ATP5MJ: variants seen among roughly 807,000 people sequenced by gnomAD.
ATP5MJ encodes ATP synthase F(0) complex subunit j, mitochondrial.
Under a neutral mutation model 8.3 loss-of-function variants are expected in ATP5MJ, and 4 were observed. The ratio of observed to expected loss-of-function variants is 0.48; its 90% CI spans 0.24 to 1.11. The LOEUF (loss-of-function observed/expected upper bound fraction) is 1.11. Ranked by LOEUF, ATP5MJ falls within the 50% of genes least tolerant of loss-of-function variation. ATP5MJ has a pLI of 0.18. For synonymous variants in ATP5MJ, 23 were observed against 21.3 expected (o/e 1.08, Z -0.23); for missense variants, 66 against 71.8 (o/e 0.92, Z 0.29).
At chr14:103,913,809 T>C in intron 3 of ATP5MJ, 152 bp downstream of exon 3, 1 of 829,830 alleles carries the variant, frequency 1.2e-6, no homozygotes, top group Admixed American at 2.9e-5. Flanking sequence ...CCAGCAGGCA[T>C]AGCAAACTTC....
At chr14:103,917,151 G>GGAAT in intron 1 of ATP5MJ, among the ~76,000 whole-genome samples, 1 of 152,304 alleles carries the variant, frequency 6.6e-6, no homozygotes, top group Middle Eastern at 3.4e-3. Context: ...AGAGCTGGAA[G>GGAAT]GAATAGGGAG....
intron 3 of ATP5MJ, 183 bp downstream of exon 3, chr14:103,913,778 A>T (rs559062547): frequency 1.8e-4 from 119 of 678,108 alleles, no homozygotes; most frequent in Non-Finnish European, 2.7e-4. Context: ...TATAAAAAGC[A>T]GAAATTCAGA....
Position 103,915,021 on chromosome 14 carries a change from A to G in ATP5MJ, c.124+45T>C, listed in dbSNP as rs375366415. On this transcript the variant is annotated intron_variant, in intron 2 of 3. Transcript: ENST00000286953. ...GTGAATTGTGATTCTTTTTGAAAAT[A>G]ATTTTCTTCCTGACCTCAGAAAAAT... The G allele has an allele frequency of 6.2e-6, 10 of 1,611,420 alleles. No individual in the cohort carries two copies. In the African/African-American group the frequency reaches 8.0e-5, roughly 13 times the overall value.
intron 2 of ATP5MJ, 57 bp downstream of exon 2, chr14:103,915,009 C>T: frequency 6.2e-7 from 1 of 1,608,806 alleles, no homozygotes; most frequent in Middle Eastern, 1.7e-4. Flanking sequence ...AATTGTGATT[C>T]TTTTTGAAAA....
At chr14:103,917,747 C>T (rs1272513334) in intron 1 of ATP5MJ, among the ~76,000 whole-genome samples, 1 of 152,156 alleles carries the variant, frequency 6.6e-6, no homozygotes, top group Admixed American at 6.5e-5. Flanking sequence ...GTCTCTAGCC[C>T]TTTAACAGCA....
chr14:103,914,001 G>A lies in ATP5MJ; in HGVS notation c.125-17C>T, dbSNP rs8009847. On this transcript the variant is annotated splice_polypyrimidine_tract_variant and intron_variant, in intron 2 of 3. Coordinates refer to ENST00000286953, the MANE Select transcript of ATP5MJ (RefSeq NM_004894.3). ...TTCTTTTATCTAAAATAAAAGGAAG[G>A]AAAAAAAAGCAGTCATATCAATGCT... 15,645 of 1,593,688 alleles carry A rather than the reference G, an allele frequency of 9.8e-3. 926 individuals carry two copies. The Admixed American group carries it at 0.16, about 16-fold the overall frequency.
intron 1 of ATP5MJ, among the ~76,000 whole-genome samples, chr14:103,919,827 G>GC (rs201175980): frequency 2.9e-4 from 43 of 148,942 alleles, no homozygotes; most frequent in South Asian, 1.1e-3. Context: ...ATAAAACGAG[G>GC]GCCCCCCCTT....
chr14:103,919,110 C>T (rs761858231), intron 1 of ATP5MJ, among the ~76,000 whole-genome samples: 47 of 152,224 alleles, frequency 3.1e-4, no homozygotes, highest in Admixed American at 1.5e-3. Context: ...GGACTGGGCA[C>T]GGTGGCTTAC....
At chr14:103,914,492 A>G (rs1406613974) in intron 2 of ATP5MJ, 2 of 662,236 alleles carry the variant, frequency 3.0e-6, no homozygotes, top group East Asian at 5.5e-5. Flanking sequence ...TCTGATATTA[A>G]AGTCTTGTTC....
intron 3 of ATP5MJ, chr14:103,913,548 T>C (rs952520348): frequency 3.9e-5 from 10 of 257,324 alleles, no homozygotes; most frequent in African/African-American, 6.6e-5. Flanking sequence ...GAGGCGGAGC[T>C]TGCAGTGAGC....
chr14:103,914,003 A>G lies in ATP5MJ; in HGVS notation c.125-19T>C, dbSNP rs1298268376. 6.2e-7 allele frequency: 1 copy of G among 1,600,732 alleles called. No individual in the cohort carries two copies. Among genetic ancestry groups the G allele is most frequent in the Non-Finnish European group, 8.5e-7 (1 of 1,173,728 alleles). ...CTTTTATCTAAAATAAAAGGAAGGAAAAAAAAGCAGTCATATCAATGCTTT... is the reference window on the plus strand; with the variant it reads ...CTTTTATCTAAAATAAAAGGAAGGAGAAAAAAGCAGTCATATCAATGCTTT... On this transcript the variant is annotated intron_variant, in intron 2 of 3. Transcript: ENST00000286953.
intron 2 of ATP5MJ, chr14:103,914,459 T>C (rs1450591017): frequency 1.6e-6 from 1 of 616,994 alleles, no homozygotes; most frequent in Admixed American, 2.5e-5. Flanking sequence ...AATACCACTT[T>C]CACACCTAAG....
chr14:103,920,490 T>TTAA, intron 1 of ATP5MJ, among the ~76,000 whole-genome samples: 3 of 141,486 alleles, frequency 2.1e-5, no homozygotes, highest in East Asian at 2.0e-4. Context: ...TTTTTTTTTT[T>TTAA]AAGACGGAGT....
chr14:103,916,423 A>C (rs2087626265), intron 1 of ATP5MJ, among the ~76,000 whole-genome samples: 1 of 152,188 alleles, frequency 6.6e-6, no homozygotes, highest in Admixed American at 6.5e-5. Context: ...AGATCTAAGC[A>C]CTTCTCATTT....
intron 1 of ATP5MJ, among the ~76,000 whole-genome samples, chr14:103,916,907 G>A (rs1050602755): frequency 5.3e-5 from 8 of 152,118 alleles, no homozygotes; most frequent in African/African-American, 1.9e-4. Flanking sequence ...AGCTGTGTGT[G>A]TCAGCTTTAC....
rs748927431 is a variant in ATP5MJ, at chr14:103,912,470, C to T, written c.*196G>A. The T allele has an allele frequency of 2.2e-5, 14 of 628,910 alleles. No homozygotes were observed. The highest frequency in any genetic ancestry group is 1.0e-4 in the East Asian group (4 of 39,208). The allele number at this position is 628,910 out of a possible 1,614,324, so 39.0% of individuals were successfully genotyped here. A position where few individuals can be genotyped will look rare whatever the true frequency, so the allele number is the denominator to read the frequency against. ...TCTACTCAGAGTATGCCTGACACGC[C>T]GGAGGGGCTGAGGGGGAACACACTG... is the stretch of plus-strand genomic sequence containing the variant. On this transcript the variant is annotated 3_prime_UTR_variant, in exon 4 of 4. Coordinates refer to ENST00000286953, the MANE Select transcript of ATP5MJ (RefSeq NM_004894.3).
intron 1 of ATP5MJ, among the ~76,000 whole-genome samples, chr14:103,915,592 CT>C (rs1239766339): frequency 1.3e-5 from 2 of 151,906 alleles, no homozygotes; most frequent in Non-Finnish European, 1.5e-5. Flanking sequence ...GGCGATCTGC[CT>C]TGCTTTGGCC....
intron 2 of ATP5MJ, chr14:103,914,260 A>G (rs1421053373): frequency 1.6e-5 from 9 of 565,254 alleles, no homozygotes. Flanking sequence ...TTTGTAATCA[A>G]TGGCTTAGTA....
rs78459274 is a variant in ATP5MJ, at chr14:103,916,892, T to C, written c.1-1703A>G. On this transcript the variant is annotated intron_variant, in intron 1 of 3. Coordinates refer to ENST00000286953, the MANE Select transcript of ATP5MJ (RefSeq NM_004894.3). ...CGGCAGTGTGCTCCCTTTCCCACAC[T>C]GCGCAGCTGTGTGTGTCAGCTTTAC... is the stretch of plus-strand genomic sequence containing the variant. 4.8e-3 allele frequency among the ~76,000 whole-genome samples: 730 copies of C among 152,218 alleles called. 4 individuals carry two copies. The highest frequency in any genetic ancestry group is 7.4e-3 in the Non-Finnish European group (506 of 68,008).
Sources: gnomAD v4.1 joint callset for allele counts (sites outside exome capture counted in the v4.1 genomes callset) on GRCh38, gnomAD v4.1.1 for gene constraint, MANE v1.5 for transcripts, NCBI Gene and HGNC (gene_info 2026-07-23, HGNC 2026-07-21) for gene names.